The following NUBPL variants were observed in gnomAD, a reference collection of about 807,000 sequenced individuals.
NUBPL encodes iron-sulfur cluster transfer protein NUBPL.
In NUBPL, 31 loss-of-function variants were observed where a neutral mutation model predicts 45.7. The ratio of observed to expected loss-of-function variants is 0.68; its 90% CI spans 0.51 to 0.92. NUBPL has a LOEUF of 0.92. Among genes scored for constraint, NUBPL ranks in the 40% least tolerant of loss-of-function variants. The pLI is 0.00. For synonymous variants in NUBPL, 144 were observed against 140.9 expected (o/e 1.02, Z -0.15); for missense variants, 401 against 398.7 (o/e 1.01, Z -0.05).
At chr14:31,574,232 A>C (rs2033660138) in intron 3 of NUBPL, among the ~76,000 whole-genome samples, 1 of 151,964 alleles carries the variant, frequency 6.6e-6, no homozygotes, top group African/African-American at 2.4e-5. Context: ...TAATATTGCA[A>C]AATAAATCAG....
chr14:31,564,049 A>G (rs545960198), intron 2 of NUBPL, among the ~76,000 whole-genome samples: 16 of 152,330 alleles, frequency 1.1e-4, no homozygotes, highest in Middle Eastern at 6.8e-3. Context: ...TGCCTTAAAA[A>G]TTTATGCTCT....
At chr14:31,621,931 G>A (rs1177804372) in intron 4 of NUBPL, among the ~76,000 whole-genome samples, 2 of 152,144 alleles carry the variant, frequency 1.3e-5, no homozygotes, top group Non-Finnish European at 2.9e-5. Context: ...TAGTTTGGAG[G>A]GCTCAGAAGA....
chr14:31,672,420 A>G (rs913202230), intron 4 of NUBPL, among the ~76,000 whole-genome samples: 1 of 152,088 alleles, frequency 6.6e-6, no homozygotes, highest in Non-Finnish European at 1.5e-5. Flanking sequence ...TATTGAGGCT[A>G]TTTTTTAGAA....
intron 4 of NUBPL, among the ~76,000 whole-genome samples, chr14:31,619,509 A>G (rs2035001989): frequency 6.6e-6 from 1 of 152,104 alleles, no homozygotes; most frequent in African/African-American, 2.4e-5. Flanking sequence ...ATATTTGCCT[A>G]TTTGTAAAGG....
chr14:31,819,163 A>G (rs1036796613), intron 7 of NUBPL, among the ~76,000 whole-genome samples: 1 of 152,176 alleles, frequency 6.6e-6, no homozygotes, highest in Admixed American at 6.5e-5. Context: ...AAGACAGAGG[A>G]GAGCTAAAAA....
intron 6 of NUBPL, among the ~76,000 whole-genome samples, chr14:31,741,106 G>A (rs542194510): frequency 1.3e-5 from 2 of 152,286 alleles, no homozygotes; most frequent in African/African-American, 2.4e-5. Context: ...CCATGTCAGT[G>A]TCTGGTTCTG....
intron 3 of NUBPL, among the ~76,000 whole-genome samples, chr14:31,586,908 A>C (rs959665253): frequency 2.0e-5 from 3 of 152,224 alleles, no homozygotes; most frequent in Admixed American, 6.5e-5. Context: ...TGAATTTTGC[A>C]ATCTAAAATT....
chr14:31,792,762 G>A (rs1275137244), intron 7 of NUBPL, among the ~76,000 whole-genome samples: 2 of 152,248 alleles, frequency 1.3e-5, no homozygotes, highest in African/African-American at 4.8e-5. Context: ...GGGAATTTGG[G>A]GAGCATGTGA....
chr14:31,745,222 C>G (rs1158228636), intron 6 of NUBPL, among the ~76,000 whole-genome samples: 2 of 151,958 alleles, frequency 1.3e-5, no homozygotes, highest in Middle Eastern at 3.2e-3. Flanking sequence ...CCACGACAGG[C>G]CCTGGTGTGT....
intron 7 of NUBPL, among the ~76,000 whole-genome samples, chr14:31,812,574 C>T (rs556931111): frequency 5.3e-5 from 8 of 152,312 alleles, no homozygotes; most frequent in South Asian, 4.1e-4. Flanking sequence ...GGAAATCCCC[C>T]GACCCCTTGC....
chr14:31,725,709 C>CTTT (rs375160082), intron 6 of NUBPL, among the ~76,000 whole-genome samples: 19,253 of 104,946 alleles, frequency 0.18, 3,991 homozygotes, highest in African/African-American at 0.44. Flanking sequence ...TAGATTTCAG[C>CTTT]TTTTTTTTTT....
chr14:31,600,327 C>T (rs1227819022), intron 4 of NUBPL, among the ~76,000 whole-genome samples: 1 of 152,092 alleles, frequency 6.6e-6, no homozygotes, highest in Non-Finnish European at 1.5e-5. Flanking sequence ...CAGCTCAGGG[C>T]ACAAGGCAGG....
intron 4 of NUBPL, among the ~76,000 whole-genome samples, chr14:31,645,407 T>A (rs2035820506): frequency 6.6e-6 from 1 of 152,204 alleles, no homozygotes; most frequent in Admixed American, 6.5e-5. Flanking sequence ...TTGGGTCTTA[T>A]TTCTTTGTCT....
At chr14:31,691,222 A>G (rs2037086563) in intron 6 of NUBPL, among the ~76,000 whole-genome samples, 1 of 152,264 alleles carries the variant, frequency 6.6e-6, no homozygotes, top group Admixed American at 6.5e-5. Flanking sequence ...CAATGTGAAG[A>G]TCACGAGGAT....
chr14:31,792,869 A>G (rs1401966942), intron 7 of NUBPL, among the ~76,000 whole-genome samples: 1 of 152,082 alleles, frequency 6.6e-6, no homozygotes, highest in East Asian at 1.9e-4. Flanking sequence ...AGGTACCAAA[A>G]ATGATTCAGC....
intron 6 of NUBPL, among the ~76,000 whole-genome samples, chr14:31,768,367 A>C (rs2038950140): frequency 6.6e-6 from 1 of 152,228 alleles, no homozygotes; most frequent in Admixed American, 6.5e-5. Context: ...AAAATGTTGA[A>C]ATCTTTTTAG....
intron 10 of NUBPL, among the ~76,000 whole-genome samples, chr14:31,854,504 A>G (rs1212486611): frequency 6.6e-6 from 1 of 152,184 alleles, no homozygotes; most frequent in African/African-American, 2.4e-5. Flanking sequence ...GAGATTATAA[A>G]TTTCTTGAGA....
chr14:31,654,502 G>A (rs2036094135), intron 4 of NUBPL, among the ~76,000 whole-genome samples: 1 of 151,038 alleles, frequency 6.6e-6, no homozygotes, highest in African/African-American at 2.4e-5. Flanking sequence ...TCCGCCTCCT[G>A]GGTTCATGCC....
chr14:31,712,074 C>T (rs531985394), intron 6 of NUBPL, among the ~76,000 whole-genome samples: 2 of 152,288 alleles, frequency 1.3e-5, no homozygotes, highest in South Asian at 4.1e-4. Flanking sequence ...TGGAAGGGGA[C>T]CCGGAGCGGG....
Sources: allele counts gnomAD v4.1 joint callset (sites outside exome capture counted in the v4.1 genomes callset), GRCh38; gene constraint gnomAD v4.1.1; transcripts MANE v1.5; gene names NCBI Gene and HGNC (gene_info 2026-07-23, HGNC 2026-07-21).